Variants in TTC29 observed in about 807,000 individuals in gnomAD.
The protein encoded by TTC29 is tetratricopeptide repeat domain 29, also known as tetratricopeptide repeat protein 29.
In TTC29, 49 loss-of-function variants were observed where a neutral mutation model predicts 58.1. That is an observed-to-expected ratio of 0.84 (90% CI 0.67 to 1.07). TTC29 has a LOEUF of 1.07. Among genes scored for constraint, TTC29 ranks in the 50% least tolerant of loss-of-function variants. TTC29 has a pLI of 0.00. For missense variants in TTC29, 582 were observed against 555.6 expected (o/e 1.05, Z -0.48); for synonymous variants, 209 against 196.8 (o/e 1.06, Z -0.52).
At chr4:146,761,063 G>A (rs1277981452) in intron 11 of TTC29, among the ~76,000 whole-genome samples, 3 of 151,782 alleles carry the variant, frequency 2.0e-5, no homozygotes, top group Non-Finnish European at 2.9e-5. Flanking sequence ...AAAGGCATAA[G>A]AATGATACAA....
intron 9 of TTC29, among the ~76,000 whole-genome samples, chr4:146,823,019 G>T (rs1210881360): frequency 6.6e-6 from 1 of 151,782 alleles, no homozygotes; most frequent in Non-Finnish European, 1.5e-5. Flanking sequence ...TGTCAAATGG[G>T]TGGATTGCAA....
chr4:146,909,814 A>G (rs1370761691), intron 4 of TTC29, among the ~76,000 whole-genome samples: 1 of 152,332 alleles, frequency 6.6e-6, no homozygotes, highest in East Asian at 1.9e-4. Flanking sequence ...GCAAAAAGAT[A>G]AAGTGACAAA....
intron 9 of TTC29, among the ~76,000 whole-genome samples, chr4:146,827,184 C>G (rs1478524334): frequency 6.6e-6 from 1 of 152,124 alleles, no homozygotes; most frequent in African/African-American, 2.4e-5. Flanking sequence ...CCCCATGTGG[C>G]TCTCAGGTGG....
chr4:146,906,389 C>G (rs1579956325), intron 5 of TTC29, among the ~76,000 whole-genome samples: 1 of 152,112 alleles, frequency 6.6e-6, no homozygotes, highest in East Asian at 1.9e-4. Flanking sequence ...TTCACTGTGA[C>G]CCTAGAGTGA....
At chr4:146,756,783 C>T (rs922827144) in intron 11 of TTC29, among the ~76,000 whole-genome samples, 3 of 151,436 alleles carry the variant, frequency 2.0e-5, no homozygotes, top group Non-Finnish European at 4.4e-5. Context: ...TCTTGTCTTC[C>T]AGCTCTGACT....
intron 5 of TTC29, among the ~76,000 whole-genome samples, chr4:146,905,859 C>T (rs1733488368): frequency 6.6e-6 from 1 of 152,162 alleles, no homozygotes; most frequent in Non-Finnish European, 1.5e-5. Flanking sequence ...TGTTAGTTCA[C>T]CGGGTATTTC....
chr4:146,931,235 A>C (rs1178211424), intron 4 of TTC29, among the ~76,000 whole-genome samples: 1 of 152,174 alleles, frequency 6.6e-6, no homozygotes, highest in African/African-American at 2.4e-5. Flanking sequence ...TATGTTATTT[A>C]AAACTCTGCC....
chr4:146,887,661 T>C (rs1420584414), intron 6 of TTC29, among the ~76,000 whole-genome samples: 1 of 152,168 alleles, frequency 6.6e-6, no homozygotes, highest in Non-Finnish European at 1.5e-5. Flanking sequence ...TCTAAAAGAA[T>C]TGAACATAAA....
chr4:146,841,976 A>G (rs144061371), intron 8 of TTC29, among the ~76,000 whole-genome samples: 169 of 152,180 alleles, frequency 1.1e-3, no homozygotes, highest in African/African-American at 3.9e-3. Flanking sequence ...TGCTTATCTA[A>G]CCTAGTTGTT....
chr4:146,820,239 C>G lies in TTC29; in HGVS notation c.987G>C (p.Glu329Asp), dbSNP rs750317836. ...AIAKVLQSQG[E>D]MTEAIKYLKK... The stretch of plus-strand genomic sequence containing the variant: ...TCAAGTATTTAATTGCTTCTGTCAT[C>G]TCTCCTTGGCTAGAATGAATGAAAT... Residue 329 changes from glutamate to aspartate, a missense_variant, in exon 10 of 13, where the codon GAG (glutamate) becomes GAC (aspartate). Physicochemically the swap from Glu to Asp is conservative, Grantham distance 45 (BLOSUM62 2). Coordinates refer to ENST00000325106, the MANE Select transcript of TTC29 (RefSeq NM_031956.4). 24 of 1,611,262 alleles carry G rather than the reference C, an allele frequency of 1.5e-5. No individual in the cohort carries two copies. The African/African-American group carries it at 2.7e-4, about 18-fold the overall frequency.
intron 6 of TTC29, among the ~76,000 whole-genome samples, chr4:146,900,475 C>T (rs1328920110): frequency 2.0e-5 from 3 of 152,194 alleles, no homozygotes; most frequent in Non-Finnish European, 2.9e-5. Flanking sequence ...CCCTCCCTGA[C>T]TGCTCACATT....
intron 11 of TTC29, among the ~76,000 whole-genome samples, chr4:146,802,353 T>G (rs1750291227): frequency 6.6e-6 from 1 of 152,180 alleles, no homozygotes; most frequent in Non-Finnish European, 1.5e-5. Flanking sequence ...AAGCAGTCAG[T>G]TAATAATGGA....
At chr4:146,935,969 G>T (rs560684332) in intron 4 of TTC29, among the ~76,000 whole-genome samples, 146 of 152,192 alleles carry the variant, frequency 9.6e-4, no homozygotes, top group African/African-American at 3.4e-3. Flanking sequence ...TCTGTCTAGG[G>T]CAAGGTCTAG....
intron 11 of TTC29, among the ~76,000 whole-genome samples, chr4:146,782,636 T>A (rs1748706854): frequency 6.6e-6 from 1 of 151,922 alleles, no homozygotes; most frequent in African/African-American, 2.4e-5. Context: ...GAAGAAAATG[T>A]TTTTCACATA....
intron 6 of TTC29, among the ~76,000 whole-genome samples, chr4:146,903,338 T>C (rs1469615524): frequency 6.6e-6 from 1 of 152,094 alleles, no homozygotes; most frequent in African/African-American, 2.4e-5. Context: ...GGCAGAAGCA[T>C]GAGCAAGGGA....
intron 11 of TTC29, among the ~76,000 whole-genome samples, chr4:146,792,846 T>A (rs1215818100): frequency 6.6e-6 from 1 of 152,168 alleles, no homozygotes; most frequent in Non-Finnish European, 1.5e-5. Flanking sequence ...GGTCAAAATA[T>A]ATCAATAGTT....
intron 11 of TTC29, among the ~76,000 whole-genome samples, chr4:146,792,562 G>A (rs1749541004): frequency 6.6e-6 from 1 of 152,158 alleles, no homozygotes; most frequent in Non-Finnish European, 1.5e-5. Flanking sequence ...TGATAGAAAT[G>A]TATACAGAGA....
At chr4:146,771,741 C>T (rs956844829) in intron 11 of TTC29, among the ~76,000 whole-genome samples, 4 of 152,050 alleles carry the variant, frequency 2.6e-5, no homozygotes, top group Non-Finnish European at 4.4e-5. Context: ...TGTGTCTTTA[C>T]GTAGAACAAT....
chr4:146,863,778 G>A (rs1022782793), intron 8 of TTC29, among the ~76,000 whole-genome samples: 8 of 152,102 alleles, frequency 5.3e-5, no homozygotes, highest in Non-Finnish European at 7.4e-5. Flanking sequence ...AGATTCAGAC[G>A]GGGTCTGAAG....
Sources: allele counts gnomAD v4.1 joint callset (sites outside exome capture counted in the v4.1 genomes callset), GRCh38; gene constraint gnomAD v4.1.1; transcripts MANE v1.5; gene names NCBI Gene and HGNC (gene_info 2026-07-23, HGNC 2026-07-21).